Variants in ADAMTS12 observed in about 807,000 individuals in gnomAD.
The protein encoded by ADAMTS12 is ADAM metallopeptidase with thrombospondin type 1 motif 12.
A neutral mutation model predicts 167.8 loss-of-function variants in ADAMTS12; 118 were observed. That is an observed-to-expected ratio of 0.70 (90% CI 0.61 to 0.82). The LOEUF (loss-of-function observed/expected upper bound fraction) is 0.82. Among genes scored for constraint, ADAMTS12 ranks in the 40% least tolerant of loss-of-function variants. The pLI, the probability that ADAMTS12 is intolerant of heterozygous loss-of-function variation, is 0.00. For synonymous variants in ADAMTS12, 704 were observed against 716.9 expected (o/e 0.98, Z 0.29); for missense variants, 1,916 against 1,998.8 (o/e 0.96, Z 0.79).
chr5:33,549,323 C>T lies in ADAMTS12; in HGVS notation c.4186G>A (p.Asp1396Asn), dbSNP rs1745139825. 4 of 1,614,200 alleles carry T rather than the reference C, an allele frequency of 2.5e-6. No homozygotes were observed. The highest frequency in any genetic ancestry group is 3.4e-6 in the Non-Finnish European group (4 of 1,180,042). The change falls in exon 21 of 24, where the codon GAC becomes AAC. Residue 1396 changes from aspartate to asparagine, a missense_variant. By Grantham distance (23) the Asp-to-Asn change is conservative. Coordinates refer to ENST00000504830, the MANE Select transcript of ADAMTS12 (RefSeq NM_030955.4). ...TGAAATGGCCTCAGGTTCCGGTGGT[C>T]CCGGCTGTCCACGCACTGAATCTCG... ...IREIQCVDSR[D>N]HRNLRPFHCQ... is the part of the protein sequence containing the mutation.
At chr5:33,681,339 G>C (rs1742102901) in intron 5 of ADAMTS12, among the ~76,000 whole-genome samples, 2 of 152,300 alleles carry the variant, frequency 1.3e-5, no homozygotes, top group Non-Finnish European at 2.9e-5. Flanking sequence ...CATTTTGACT[G>C]CAGGTCTCTT....
Position 33,544,931 on chromosome 5 carries a change from A to G in ADAMTS12, c.4446+1128T>C, listed in dbSNP as rs569095082. ...CCTAGAAGAAAACCTAGGCAATACC[A>G]TTCAGGACATAGGCATGGGCAAAGA... On this transcript the variant is annotated intron_variant, in intron 22 of 23. Coordinates refer to ENST00000504830, the MANE Select transcript of ADAMTS12 (RefSeq NM_030955.4). Among the ~76,000 whole-genome samples, 51 of 152,296 alleles carry G rather than the reference A, an allele frequency of 3.3e-4. No homozygotes were observed. In the East Asian group the frequency reaches 9.1e-3, roughly 27 times the overall value.
At chr5:33,742,491 T>C (rs527492798) in intron 3 of ADAMTS12, among the ~76,000 whole-genome samples, 1 of 152,238 alleles carries the variant, frequency 6.6e-6, no homozygotes, top group Admixed American at 6.5e-5. Context: ...TAAGAACACA[T>C]TTGCCTTGCC....
At chr5:33,726,350 GC>G (rs1743981454) in intron 3 of ADAMTS12, among the ~76,000 whole-genome samples, 1 of 152,156 alleles carries the variant, frequency 6.6e-6, no homozygotes, top group Non-Finnish European at 1.5e-5. Context: ...CGTGGCTGAC[GC>G]TAAAGTCTCT....
intron 3 of ADAMTS12, among the ~76,000 whole-genome samples, chr5:33,708,759 G>C (rs373498216): frequency 6.6e-6 from 1 of 151,856 alleles, no homozygotes; most frequent in African/African-American, 2.4e-5. Flanking sequence ...GAACATATAG[G>C]CACAGGGAGG....
chr5:33,658,275 A>C lies in ADAMTS12; in HGVS notation c.1099T>G (p.Ser367Ala). The C allele has an allele frequency of 1.2e-6, 2 of 1,613,732 alleles. No homozygotes were observed. Among genetic ancestry groups the C allele is most frequent in the Non-Finnish European group, 1.7e-6 (2 of 1,179,702 alleles). ...PCETLGLSHL[S>A]GMCQPHRSCN... ...CTGCGGTGAGGCTGACACATTCCTG[A>C]AAGGTGAGACAGGCCCAGGGTCTCG... is the stretch of plus-strand genomic sequence containing the variant. Residue 367 changes from serine to alanine, a missense_variant, in exon 7 of 24, where the codon TCA (serine) becomes GCA (alanine). Coordinates refer to ENST00000504830, the MANE Select transcript of ADAMTS12 (RefSeq NM_030955.4).
At position 33,683,968 on chromosome 5, in the gene ADAMTS12, G is replaced by A. The variant is rs1742226635; in HGVS notation, c.722C>T (p.Ser241Phe). 1 of 1,612,362 alleles carries A rather than the reference G, an allele frequency of 6.2e-7. No homozygotes were observed. The highest frequency in any genetic ancestry group is 1.7e-5 in the Admixed American group (1 of 59,838). The change falls in exon 4 of 24, where the codon TCC becomes TTC. Residue 241 changes from serine to phenylalanine, a missense_variant. Coordinates refer to ENST00000504830, the MANE Select transcript of ADAMTS12 (RefSeq NM_030955.4). ...NLPSRSLSRR[S>F]ISKERWVETL... The stretch of plus-strand genomic sequence containing the variant: ...CTCCACCCATCTCTCCTTGCTGATG[G>A]AACGCCGAGAGAGGCTTCTGCTTGG...
intron 7 of ADAMTS12, among the ~76,000 whole-genome samples, chr5:33,655,146 C>T (rs1741007114): frequency 6.6e-6 from 1 of 152,066 alleles, no homozygotes; most frequent in African/African-American, 2.4e-5. Context: ...TGACTTATAA[C>T]TTTCTAAGGG....
intron 3 of ADAMTS12, among the ~76,000 whole-genome samples, chr5:33,725,028 C>T (rs932456365): frequency 1.2e-4 from 18 of 152,160 alleles, no homozygotes; most frequent in African/African-American, 4.1e-4. Flanking sequence ...CCCCTGCCTT[C>T]CCCATTTCAT....
intron 1 of ADAMTS12, 84 bp from the exon 2 acceptor site, chr5:33,881,564 C>CA: frequency 1.6e-6 from 2 of 1,254,130 alleles, no homozygotes; most frequent in Non-Finnish European, 2.2e-6. Flanking sequence ...TGAATGCTAG[C>CA]TTTTTTTTTT....
intron 12 of ADAMTS12, 145 bp downstream of exon 12, chr5:33,637,432 T>G: frequency 1.3e-6 from 1 of 744,936 alleles, no homozygotes; most frequent in Non-Finnish European, 2.1e-6. Context: ...ACCAGGTCAG[T>G]GTTTCCATCT....
chr5:33,862,154 C>G (rs1446342502), intron 2 of ADAMTS12, among the ~76,000 whole-genome samples: 1 of 152,024 alleles, frequency 6.6e-6, no homozygotes, highest in East Asian at 1.9e-4. Context: ...CAAAACCTAG[C>G]AAAAGACAGG....
chr5:33,732,695 T>C (rs1009823125), intron 3 of ADAMTS12, among the ~76,000 whole-genome samples: 6 of 152,206 alleles, frequency 3.9e-5, no homozygotes, highest in African/African-American at 1.4e-4. Flanking sequence ...TTTGGAAATA[T>C]AAATTAGTGT....
chr5:33,548,018 C>G (rs1745066294), intron 21 of ADAMTS12, among the ~76,000 whole-genome samples: 1 of 152,170 alleles, frequency 6.6e-6, no homozygotes, highest in Non-Finnish European at 1.5e-5. Flanking sequence ...CCAGAAAACT[C>G]TAGCTAGTGG....
intron 10 of ADAMTS12, 23 bp downstream of exon 10, chr5:33,643,355 C>T (rs753616164): frequency 6.2e-7 from 1 of 1,613,430 alleles, no homozygotes; most frequent in South Asian, 1.1e-5. Context: ...CCTCCCACCT[C>T]ATTCCTCGGC....
rs952833728 is a variant in ADAMTS12 at position 33,549,270 on chromosome 5, G to T, written c.4239C>A (p.Pro1413=). The change falls in exon 21 of 24, where the codon CCC becomes CCA. Residue 1413 remains proline (P), a synonymous_variant. Transcript: ENST00000504830. ...CCGGGTTACAGCTCATGCTCAATGG[G>T]GGAGGAATGCCGGCCAGGAACTGGC... ...FHCQFLAGIP[P]PLSMSCNPEP... is the part of the protein sequence containing the mutation. 4 of 1,614,236 alleles carry T rather than the reference G, an allele frequency of 2.5e-6. No individual in the cohort carries two copies. Among genetic ancestry groups the T allele is most frequent in the Non-Finnish European group, 3.4e-6 (4 of 1,180,040 alleles).
intron 3 of ADAMTS12, among the ~76,000 whole-genome samples, chr5:33,702,986 A>T (rs575672975): frequency 1.3e-5 from 2 of 152,316 alleles, no homozygotes; most frequent in East Asian, 3.9e-4. Context: ...GTTCATCCAC[A>T]GGTGGGGAGC....
At position 33,576,140 on chromosome 5, in the gene ADAMTS12, C is replaced by T. The variant is rs1489449501; in HGVS notation, c.3886G>A (p.Glu1296Lys). The change falls in exon 19 of 24, where the codon GAG becomes AAG. Residue 1296 changes from glutamate (E) to lysine (K), a missense_variant. Physicochemically the swap from Glu to Lys is moderately conservative, Grantham distance 56. Transcript: ENST00000504830. ...TEEDATSLIT[E>K]GFLLNASNYK... is the part of the protein sequence containing the mutation. ...TTGGAGGCATTTAGCAAAAAGCCCTCAGTAATCAGACTTGTTGCATCCTCC... is the reference window on the plus strand; with the variant it reads ...TTGGAGGCATTTAGCAAAAAGCCCTTAGTAATCAGACTTGTTGCATCCTCC... The T allele has an allele frequency of 1.2e-6, 2 of 1,614,180 alleles. No homozygotes were observed. The highest frequency in any genetic ancestry group is 2.2e-5 in the East Asian group (1 of 44,884).
Position 33,614,162 on chromosome 5 carries a change from A to G in ADAMTS12, c.2527+76T>C. On this transcript the variant is annotated intron_variant, in intron 16 of 23. Transcript: ENST00000504830. ...GATCCATGGGCAGAGAGCACAAAGC[A>G]AATCACTGGTGTAATCACCTCTACA... The G allele has an allele frequency of 2.6e-6, 4 of 1,546,024 alleles. 1 individual carries two copies. The South Asian group carries it at 4.8e-5, about 19-fold the overall frequency.
Sources: gnomAD v4.1 joint callset for allele counts (sites outside exome capture counted in the v4.1 genomes callset) on GRCh38, gnomAD v4.1.1 for gene constraint, MANE v1.5 for transcripts, NCBI Gene and HGNC (gene_info 2026-07-23, HGNC 2026-07-21) for gene names.